The following KIF16B variants were observed in gnomAD, a reference collection of about 807,000 sequenced individuals.
The protein encoded by KIF16B is kinesin-like protein KIF16B.
KIF16B carries 98 observed loss-of-function variants against 156.3 expected under a neutral mutation model. The observed-to-expected ratio is 0.63, with a 90% CI of 0.53 to 0.74. The LOEUF (loss-of-function observed/expected upper bound fraction) is 0.74. KIF16B is among the 30% of genes least tolerant of loss of function. The pLI, the probability that KIF16B is intolerant of heterozygous loss-of-function variation, is 0.00. For synonymous variants in KIF16B, 564 were observed against 583.7 expected, an observed-to-expected ratio of 0.97 and a Z score of 0.49; for missense variants, 1,421 against 1,606.5, an observed-to-expected ratio of 0.88 and a Z score of 1.97.
chr20:16,363,689 C>T (rs961074859), intron 22 of KIF16B, among the ~76,000 whole-genome samples: 3 of 152,124 alleles, frequency 2.0e-5, no homozygotes, highest in African/African-American at 7.2e-5. Flanking sequence ...TGGCTACTGC[C>T]CCTTCTGAAT....
At chr20:16,319,167 G>C (rs908678512) in intron 24 of KIF16B, among the ~76,000 whole-genome samples, 3 of 152,132 alleles carry the variant, frequency 2.0e-5, no homozygotes, top group African/African-American at 7.2e-5. Flanking sequence ...GGTGTCCTGG[G>C]TGGGATCCTG....
chr20:16,550,484 GTT>G (rs925628512), intron 1 of KIF16B, among the ~76,000 whole-genome samples: 85 of 139,836 alleles, frequency 6.1e-4, no homozygotes, highest in African/African-American at 2.2e-3. Flanking sequence ...TATCATTTTC[GTT>G]TTTTTTCCCC....
intron 25 of KIF16B, among the ~76,000 whole-genome samples, chr20:16,303,430 T>C (rs2063499934): frequency 6.6e-6 from 1 of 152,250 alleles, no homozygotes; most frequent in African/African-American, 2.4e-5. Flanking sequence ...CTAGTTGTTC[T>C]TATCCTTGTT....
chr20:16,449,165 A>G (rs954915294), intron 12 of KIF16B, among the ~76,000 whole-genome samples: 7 of 152,198 alleles, frequency 4.6e-5, no homozygotes, highest in Non-Finnish European at 7.4e-5. Context: ...ATGAGGGACA[A>G]GCTACACTGA....
chr20:16,506,717 TTCTGA>T (rs10536311), intron 7 of KIF16B, among the ~76,000 whole-genome samples: 36,003 of 151,924 alleles, frequency 0.24, 4,855 homozygotes, highest in East Asian at 0.36. Flanking sequence ...TCACAAATAC[TTCTGA>T]TCTATGTGTT....
chr20:16,333,844 T>C (rs959466443), intron 24 of KIF16B, among the ~76,000 whole-genome samples: 8 of 152,196 alleles, frequency 5.3e-5, no homozygotes, highest in African/African-American at 1.9e-4. Flanking sequence ...AGCCCAACCC[T>C]GAAACAACCT....
chr20:16,391,246 A>C (rs2065357011), intron 17 of KIF16B, among the ~76,000 whole-genome samples: 1 of 152,142 alleles, frequency 6.6e-6, no homozygotes, highest in Admixed American at 6.5e-5. Flanking sequence ...GCAGAATATT[A>C]AAGGTCCAGA....
chr20:16,564,491 A>G (rs1009660287), intron 1 of KIF16B, among the ~76,000 whole-genome samples: 2 of 152,046 alleles, frequency 1.3e-5, no homozygotes, highest in Non-Finnish European at 2.9e-5. Flanking sequence ...GAAGGGGAAC[A>G]TCACACACCG....
chr20:16,385,135 T>G (rs1005578260), intron 17 of KIF16B, among the ~76,000 whole-genome samples: 1 of 151,312 alleles, frequency 6.6e-6, no homozygotes, highest in Non-Finnish European at 1.5e-5. Flanking sequence ...AGGTGGAGGT[T>G]GCAGTGAGCT....
intron 17 of KIF16B, among the ~76,000 whole-genome samples, chr20:16,399,359 C>T (rs1311684006): frequency 6.6e-6 from 1 of 152,166 alleles, no homozygotes; most frequent in African/African-American, 2.4e-5. Context: ...GATAATACTA[C>T]CACCGTCCTG....
chr20:16,333,833 G>A (rs146063596), intron 24 of KIF16B, among the ~76,000 whole-genome samples: 199 of 152,220 alleles, frequency 1.3e-3, no homozygotes, highest in Middle Eastern at 6.8e-3. Flanking sequence ...ACCTTGTCAG[G>A]AGCCCAACCC....
chr20:16,274,943 T>G (rs2063038484), intron 25 of KIF16B, among the ~76,000 whole-genome samples: 1 of 152,260 alleles, frequency 6.6e-6, no homozygotes, highest in Admixed American at 6.5e-5. Context: ...CTTCAAAATA[T>G]TAATGAGGAC....
intron 25 of KIF16B, among the ~76,000 whole-genome samples, chr20:16,278,310 C>T (rs916859219): frequency 2.0e-5 from 3 of 151,952 alleles, no homozygotes; most frequent in Non-Finnish European, 4.4e-5. Flanking sequence ...ACGTTGGAGA[C>T]GGGTACCCAT....
intron 12 of KIF16B, among the ~76,000 whole-genome samples, chr20:16,460,247 G>A (rs2067310818): frequency 6.6e-6 from 1 of 152,146 alleles, no homozygotes; most frequent in African/African-American, 2.4e-5. Flanking sequence ...TTGAGAATTT[G>A]GATGAAAAAT....
chr20:16,368,092 T>G, intron 22 of KIF16B: 1 of 1,305,620 alleles, frequency 7.7e-7, no homozygotes, highest in South Asian at 1.8e-5. Context: ...TTTGACTTCC[T>G]TCATGTTGCC....
chr20:16,287,718 C>T (rs6043857), intron 25 of KIF16B, among the ~76,000 whole-genome samples: 61,505 of 152,056 alleles, frequency 0.4, 12,478 homozygotes, highest in Non-Finnish European at 0.43. Context: ...TCAGTGATGA[C>T]GATGACCCAG....
intron 1 of KIF16B, among the ~76,000 whole-genome samples, chr20:16,567,135 C>T (rs1460612581): frequency 2.0e-5 from 3 of 152,124 alleles, no homozygotes; most frequent in Admixed American, 1.3e-4. Flanking sequence ...GATTCAAATC[C>T]AGCATCATAG....
intron 6 of KIF16B, 70 bp from the exon 7 acceptor site, chr20:16,508,170 C>T: frequency 6.5e-7 from 1 of 1,540,734 alleles, no homozygotes; most frequent in Non-Finnish European, 8.9e-7. Flanking sequence ...AAATTACCCT[C>T]TATGAAATAA....
intron 25 of KIF16B, among the ~76,000 whole-genome samples, chr20:16,298,564 C>T (rs754294283): frequency 6.6e-6 from 1 of 151,960 alleles, no homozygotes. Context: ...TGGTGATATC[C>T]CCTATATCAG....
Sources: allele counts gnomAD v4.1 joint callset (sites outside exome capture counted in the v4.1 genomes callset), GRCh38; gene constraint gnomAD v4.1.1; transcripts MANE v1.5; gene names NCBI Gene and HGNC (gene_info 2026-07-23, HGNC 2026-07-21).